Variants in PHACTR1 observed in about 807,000 individuals in gnomAD.
The protein encoded by PHACTR1 is RPEL repeat containing 1.
Under a neutral mutation model 69.2 loss-of-function variants are expected in PHACTR1, and 16 were observed. The observed-to-expected ratio is 0.23, with a 90% CI of 0.16 to 0.35. The LOEUF is 0.35. PHACTR1 is among the 10% of genes least tolerant of loss of function. The pLI, the probability that PHACTR1 is intolerant of heterozygous loss-of-function variation, is 1.00. For missense variants in PHACTR1, 510 were observed against 734.7 expected (o/e 0.69, Z 3.54); for synonymous variants, 312 against 284.5 (o/e 1.10, Z -0.97).
intron 10 of PHACTR1, among the ~76,000 whole-genome samples, chr6:13,255,048 A>C (rs2127406192): frequency 6.6e-6 from 1 of 152,306 alleles, no homozygotes; most frequent in African/African-American, 2.4e-5. Context: ...AAGAGGTTTA[A>C]TTGGCTTCTA....
At position 12,720,496 on chromosome 6, in the gene PHACTR1, G is replaced by C. The variant is rs550617259; in HGVS notation, c.103+1649G>C. 3.1e-3 allele frequency among the ~76,000 whole-genome samples: 469 copies of C among 152,290 alleles called. 1 individual carries two copies. Among genetic ancestry groups the C allele is most frequent in the Non-Finnish European group, 5.4e-3 (370 of 68,020 alleles). ...TTCTGGTTTTCAGCAGATGGAGCTGGGGGTGGAGTGGTCAGAATTGTCACC... is the reference window on the plus strand; with the variant it reads ...TTCTGGTTTTCAGCAGATGGAGCTGCGGGTGGAGTGGTCAGAATTGTCACC... On this transcript the variant is annotated intron_variant, in intron 3 of 14. Transcript: ENST00000332995.
intron 4 of PHACTR1, among the ~76,000 whole-genome samples, chr6:12,906,800 AATTGGCTCTGGTTGG>A (rs1785781011): frequency 6.6e-6 from 1 of 152,196 alleles, no homozygotes; most frequent in East Asian, 1.9e-4. Flanking sequence ...AAAGAACTCC[AATTGGCTCTGGTTGG>A]GTCACGTGTC....
At chr6:12,931,795 G>A (rs1788904722) in intron 4 of PHACTR1, among the ~76,000 whole-genome samples, 1 of 151,676 alleles carries the variant, frequency 6.6e-6, no homozygotes, top group Non-Finnish European at 1.5e-5. Context: ...GTGTGCTAAG[G>A]AAAGGGCTTA....
In PHACTR1 at chr6:13,245,377, T is replaced by C. The variant is rs1773449785; in HGVS notation, c.1391+15184T>C. On this transcript the variant is annotated intron_variant, in intron 10 of 14. Transcript: ENST00000332995. The surrounding 1 kb of genome is among the most constrained non-coding windows in gnomAD (Gnocchi z 4.1). ...TTTTAATAATAGACATTCTGACTGG[T>C]GTGAGATGATATGTGGTTTTGATTT... 6.6e-6 allele frequency among the ~76,000 whole-genome samples: 1 copy of C among 152,194 alleles called. No homozygotes were observed. The highest frequency in any genetic ancestry group is 2.1e-4 in the South Asian group (1 of 4,836).
intron 4 of PHACTR1, among the ~76,000 whole-genome samples, chr6:12,999,068 C>T (rs1450535680): frequency 8.5e-5 from 13 of 152,128 alleles, no homozygotes; most frequent in African/African-American, 3.1e-4. Flanking sequence ...TAAAGTTGCA[C>T]GTACCCCATG....
chr6:12,828,039 A>G (rs1158579908), intron 4 of PHACTR1, among the ~76,000 whole-genome samples: 2 of 152,206 alleles, frequency 1.3e-5, no homozygotes, highest in Non-Finnish European at 1.5e-5. Flanking sequence ...CAGGTTAATC[A>G]GAGCTAGAAT....
intron 4 of PHACTR1, chr6:12,957,670 G>A (rs1396247581): frequency 2.0e-6 from 2 of 985,556 alleles, no homozygotes; most frequent in Non-Finnish European, 2.4e-6. Flanking sequence ...TGAGGCTGGA[G>A]AGACCATCGT....
At chr6:12,877,703 G>A (rs1782679551) in intron 4 of PHACTR1, among the ~76,000 whole-genome samples, 1 of 152,112 alleles carries the variant, frequency 6.6e-6, no homozygotes, top group African/African-American at 2.4e-5. Context: ...TTGTCCATCT[G>A]GCAAGCTACT....
chr6:12,841,053 G>T (rs1778649362), intron 4 of PHACTR1, among the ~76,000 whole-genome samples: 1 of 152,218 alleles, frequency 6.6e-6, no homozygotes, highest in Non-Finnish European at 1.5e-5. Context: ...CTGCATTAAA[G>T]CAGTGAGAAA....
chr6:12,912,992 A>T (rs1041585550), intron 4 of PHACTR1, among the ~76,000 whole-genome samples: 1 of 152,202 alleles, frequency 6.6e-6, no homozygotes, highest in East Asian at 1.9e-4. Context: ...TAAAGCCATC[A>T]TAAATATATT....
At chr6:13,015,343 G>A (rs1389022994) in intron 4 of PHACTR1, among the ~76,000 whole-genome samples, 1 of 152,190 alleles carries the variant, frequency 6.6e-6, no homozygotes, top group Non-Finnish European at 1.5e-5. Context: ...CGGCACTGGA[G>A]GAAGGCGCAC....
intron 4 of PHACTR1, among the ~76,000 whole-genome samples, chr6:12,807,844 A>G (rs553092178): frequency 3.7e-4 from 56 of 152,232 alleles, no homozygotes; most frequent in Non-Finnish European, 7.3e-4. Flanking sequence ...TGATAGCTTT[A>G]AAGGCTGAAA....
In PHACTR1 at chr6:13,275,368, T is replaced by G. The variant is rs1471585210; in HGVS notation, c.1447+2453T>G. 3.3e-5 allele frequency: 5 copies of G among 152,334 alleles called. No homozygotes were observed. Among genetic ancestry groups the G allele is most frequent in the Admixed American group, 3.3e-4 (5 of 15,284 alleles). 9.4% of individuals were successfully genotyped at this position (152,334 alleles called of 1,614,324 possible). On this transcript the variant is annotated intron_variant, in intron 11 of 14. Coordinates refer to ENST00000332995, the MANE Select transcript of PHACTR1 (RefSeq NM_030948.6). This position sits in a 1 kb window ranked among gnomAD's most constrained non-coding sequence, Gnocchi z 4.0. The stretch of plus-strand genomic sequence containing the variant: ...GCCTAATGGGGTTGTCTTGGTACCT[T>G]CTGCCTGAAAATTCATGAACCTGGG...
Position 12,799,567 on chromosome 6 carries a change from T to G in PHACTR1, c.250+49777T>G, listed in dbSNP as rs899001080. On this transcript the variant is annotated intron_variant, in intron 4 of 14. Coordinates refer to ENST00000332995, the MANE Select transcript of PHACTR1 (RefSeq NM_030948.6). ...GAAATGAAAAAACTAATTACATTTC[T>G]TTTGGGTTGGACAAGAGACCAGTGA... Among the ~76,000 whole-genome samples, 35 of 152,310 alleles carry G rather than the reference T, an allele frequency of 2.3e-4. 1 individual carries two copies. In the East Asian group the frequency reaches 6.2e-3, roughly 27 times the overall value.
chr6:12,836,687 T>C (rs1330727072), intron 4 of PHACTR1, among the ~76,000 whole-genome samples: 1 of 152,222 alleles, frequency 6.6e-6, no homozygotes, highest in Non-Finnish European at 1.5e-5. Context: ...CTCTCTGACC[T>C]GCTTCCTCAC....
At chr6:13,104,245 GTCTTTC>G (rs1815693927) in intron 5 of PHACTR1, among the ~76,000 whole-genome samples, 2 of 151,904 alleles carry the variant, frequency 1.3e-5, no homozygotes, top group African/African-American at 4.8e-5. Flanking sequence ...CAACTTACCA[GTCTTTC>G]TCTTTCATAA....
At chr6:13,220,924 G>A (rs1768507197) in intron 8 of PHACTR1, among the ~76,000 whole-genome samples, 1 of 152,186 alleles carries the variant, frequency 6.6e-6, no homozygotes, top group African/African-American at 2.4e-5. Context: ...GTCTTGGAGA[G>A]GCTCACAGTT....
At chr6:13,168,536 G>A (rs9473575) in intron 6 of PHACTR1, among the ~76,000 whole-genome samples, 10,000 of 152,212 alleles carry the variant, frequency 0.066, 804 homozygotes, top group African/African-American at 0.18. Context: ...CAAGCCAGGC[G>A]TCTCTGGCTG....
chr6:12,957,396 G>A, intron 4 of PHACTR1: 1 of 985,496 alleles, frequency 1.0e-6, no homozygotes, highest in Non-Finnish European at 1.2e-6. Context: ...GCCGAGGCAG[G>A]TCGGGGGTCT....
Sources: allele counts gnomAD v4.1 joint callset (sites outside exome capture counted in the v4.1 genomes callset), GRCh38; gene constraint gnomAD v4.1.1; non-coding constraint Gnocchi (gnomAD v3.1); transcripts MANE v1.5; gene names NCBI Gene and HGNC (gene_info 2026-07-23, HGNC 2026-07-21).